Variants in PSD observed in about 807,000 individuals in gnomAD.
The protein encoded by PSD is pleckstrin and Sec7 domain containing.
PSD carries 32 observed loss-of-function variants against 91.6 expected under a neutral mutation model. The observed-to-expected ratio is 0.35, with a 90% CI of 0.26 to 0.47. The LOEUF (loss-of-function observed/expected upper bound fraction) is 0.47, where lower values mean the gene tolerates loss of function less well. Ranked by LOEUF, PSD falls within the 20% of genes least tolerant of loss-of-function variation. The pLI is 1.00. For synonymous variants in PSD, 532 were observed against 569.3 expected (o/e 0.93, Z 0.93); for missense variants, 1,099 against 1,373.9 (o/e 0.80, Z 3.16).
chr10:102,414,165 ACAGG>A lies in PSD; in HGVS notation c.1153_1156del (p.Pro385CysfsTer137). On this transcript the variant is annotated frameshift_variant, in exon 5 of 17. Transcript: ENST00000020673. LOFTEE classifies it high-confidence loss of function. This position sits in a 1 kb window ranked among gnomAD's most constrained non-coding sequence, Gnocchi z 5.6. ...GGGGCTCGTCCCAGGTAGAAAGGGC[ACAGG>A]TGACTTGAGAGGCATCCGGCTCCCT... 6.2e-7 allele frequency: 1 copy of A among 1,613,288 alleles called. No individual in the cohort carries two copies. Among genetic ancestry groups the A allele is most frequent in the Non-Finnish European group, 8.5e-7 (1 of 1,179,506 alleles).
rs2061398558 is a variant in PSD at position 102,409,151 on chromosome 10, G to A, written c.2091+1707C>T. On this transcript the variant is annotated intron_variant, in intron 10 of 16. Transcript: ENST00000020673. This position sits in a 1 kb window ranked among gnomAD's most constrained non-coding sequence, Gnocchi z 5.7. ...ATGCCCCCGTCCGCCCTCGGCCCCC[G>A]GGCCGCCCGGACGGCCCGCGGACCG... 1.0e-6 allele frequency: 1 copy of A among 980,188 alleles called. No individual in the cohort carries two copies. The highest frequency in any genetic ancestry group is 1.2e-6 in the Non-Finnish European group (1 of 828,028). The allele number at this position is 980,188 out of a possible 1,614,324, so 60.7% of individuals were successfully genotyped here.
chr10:102,407,500 A>G (rs1375330975), intron 10 of PSD, among the ~76,000 whole-genome samples: 1 of 152,222 alleles, frequency 6.6e-6, no homozygotes, highest in Non-Finnish European at 1.5e-5. Flanking sequence ...ACATGTGGGC[A>G]CAGGCAGTTA....
chr10:102,410,726 G>C lies in PSD; in HGVS notation c.2091+132C>G. 9 of 744,868 alleles carry C rather than the reference G, an allele frequency of 1.2e-5. No homozygotes were observed. In the South Asian group the frequency reaches 1.4e-4, roughly 12 times the overall value. 46.1% of individuals were successfully genotyped at this position (744,868 alleles called of 1,614,324 possible). On this transcript the variant is annotated intron_variant, in intron 10 of 16. Coordinates refer to ENST00000020673, the MANE Select transcript of PSD (RefSeq NM_002779.5). This position sits in a 1 kb window ranked among gnomAD's most constrained non-coding sequence, Gnocchi z 6.0. ...GCGGTCCCCAGGCTGAGTCACGAGA[G>C]CCCGGGCTTCCGTGGCAGGAGCCGG...
Position 102,414,315 on chromosome 10 carries a change from C to T in PSD, c.1125-118G>A. On this transcript the variant is annotated intron_variant, in intron 4 of 16. Coordinates refer to ENST00000020673, the MANE Select transcript of PSD (RefSeq NM_002779.5). The surrounding 1 kb of genome is among the most constrained non-coding windows in gnomAD (Gnocchi z 5.6). ...ATTATCATCCCCTTTTCACTGGCTC[C>T]AGCCCACTAACAAAAAAGAGCCTCT... is the stretch of plus-strand genomic sequence containing the variant. 3 of 1,038,824 alleles carry T rather than the reference C, an allele frequency of 2.9e-6. No homozygotes were observed. The highest frequency in any genetic ancestry group is 4.2e-6 in the Non-Finnish European group (3 of 720,404). The allele number at this position is 1,038,824 out of a possible 1,614,324, so 64.4% of individuals were successfully genotyped here. A position where few individuals can be genotyped will look rare whatever the true frequency, so the allele number is the denominator to read the frequency against.
At chr10:102,408,605 T>C (rs1186131119) in intron 10 of PSD, among the ~76,000 whole-genome samples, 1 of 152,154 alleles carries the variant, frequency 6.6e-6, no homozygotes, top group Non-Finnish European at 1.5e-5. Context: ...CCCTGCCCTG[T>C]CTCAGGACCC....
At position 102,410,908 on chromosome 10, in the gene PSD, TCC is replaced by T; in HGVS notation, c.2039_2040del (p.Gly680GlufsTer7). 1 of 1,613,974 alleles carries T rather than the reference TCC, an allele frequency of 6.2e-7. No homozygotes were observed. ...CCGCCATCATTGAGGCCCTCCAGGT[TCC>T]CGATGAAGTCCCCGCAGGTCATGCG... ...GKRMTCGDFI[G>X]NLEGLNDGGD... On this transcript the variant is annotated frameshift_variant, in exon 10 of 17. Transcript: ENST00000020673. LOFTEE classifies it high-confidence loss of function. The surrounding 1 kb of genome is among the most constrained non-coding windows in gnomAD (Gnocchi z 6.0).
At chr10:102,412,009 C>A in intron 7 of PSD, 138 bp downstream of exon 7, 1 of 1,107,234 alleles carries the variant, frequency 9.0e-7, no homozygotes, top group Admixed American at 1.7e-5. Context: ...AGCTCTGGCC[C>A]TTGGCCATGC....
At chr10:102,411,192 T>A in intron 8 of PSD, 76 bp from the exon 9 acceptor site, 4 of 1,431,456 alleles carry the variant, frequency 2.8e-6, no homozygotes, top group Non-Finnish European at 3.8e-6. Flanking sequence ...AACCTCCCAT[T>A]TCATCCCCAC....
In PSD at chr10:102,415,204, G is replaced by C. The variant is rs763589602; in HGVS notation, c.783C>G (p.Pro261=). 1 of 1,611,338 alleles carries C rather than the reference G, an allele frequency of 6.2e-7. No individual in the cohort carries two copies. The highest frequency in any genetic ancestry group is 8.5e-7 in the Non-Finnish European group (1 of 1,178,778). The part of the protein sequence containing the change: ...SSGAKPPEQA[P]PSPPGVGSRQ... ...TTGAGCCCACCCCAGGTGGAGATGG[G>C]GGGGCCTGCTCTGGGGGCTTAGCAC... Residue 261 remains proline (P), a synonymous_variant, in exon 4 of 17, where the codon CCC becomes CCG. Coordinates refer to ENST00000020673, the MANE Select transcript of PSD (RefSeq NM_002779.5).
intron 3 of PSD, among the ~76,000 whole-genome samples, chr10:102,415,675 T>C (rs947000869): frequency 1.3e-5 from 2 of 152,186 alleles, no homozygotes; most frequent in Admixed American, 1.3e-4. Context: ...TTGTCCAGGC[T>C]GGTCTTGGAC....
Position 102,414,724 on chromosome 10 carries a change from T to G in PSD, c.1124+139A>C, listed in dbSNP as rs2061457820. 1.4e-5 allele frequency: 16 copies of G among 1,160,336 alleles called. No homozygotes were observed. Among genetic ancestry groups the G allele is most frequent in the Non-Finnish European group, 1.8e-5 (16 of 868,196 alleles). The allele number at this position is 1,160,336 out of a possible 1,614,324, so 71.9% of individuals were successfully genotyped here. ...CCAAGCCTCAGGCCTCTGTCTAGAA[T>G]CTCCTGCTATACACACTGCCCCGCC... On this transcript the variant is annotated intron_variant, in intron 4 of 16. Coordinates refer to ENST00000020673, the MANE Select transcript of PSD (RefSeq NM_002779.5). This position sits in a 1 kb window ranked among gnomAD's most constrained non-coding sequence, Gnocchi z 5.6.
At chr10:102,411,203 C>T in intron 8 of PSD, 87 bp from the exon 9 acceptor site, 1 of 1,358,710 alleles carries the variant, frequency 7.4e-7, no homozygotes, top group Non-Finnish European at 1.0e-6. Flanking sequence ...TCATCCCCAC[C>T]CCCTTTGGCC....
At position 102,416,321 on chromosome 10, in the gene PSD, C is replaced by G; in HGVS notation, c.654+64G>C. 2 of 1,526,472 alleles carry G rather than the reference C, an allele frequency of 1.3e-6. No homozygotes were observed. The highest frequency in any genetic ancestry group is 2.4e-5 in the East Asian group (1 of 41,836). The allele number at this position is 1,526,472 out of a possible 1,614,324, so 94.6% of individuals were successfully genotyped here. A position where few individuals can be genotyped will look rare whatever the true frequency, so the allele number is the denominator to read the frequency against. ...GAGTGAACAGCAGACAAGCCCATGT[C>G]TGACAGGAGGCTGAGCCTTGCCCCT... On this transcript the variant is annotated intron_variant, in intron 2 of 16. Coordinates refer to ENST00000020673, the MANE Select transcript of PSD (RefSeq NM_002779.5). The surrounding 1 kb of genome is among the most constrained non-coding windows in gnomAD (Gnocchi z 6.0).
rs1565227813 is a variant in PSD at position 102,415,096 on chromosome 10, G to T, written c.891C>A (p.Arg297=). The change falls in exon 4 of 17, where the codon CGC becomes CGA. Residue 297 remains arginine, a synonymous_variant. Coordinates refer to ENST00000020673, the MANE Select transcript of PSD (RefSeq NM_002779.5). ...DLDTVPLRCY[R]ETDIDEVLAE... is the part of the protein sequence containing the mutation. ...CCAGCACCTCATCGATGTCAGTCTCGCGGTAGCACCTCAGGGGCACCGTGT... is the reference window on the plus strand; with the variant it reads ...CCAGCACCTCATCGATGTCAGTCTCTCGGTAGCACCTCAGGGGCACCGTGT... 6.2e-7 allele frequency: 1 copy of T among 1,613,860 alleles called. No individual in the cohort carries two copies. Among genetic ancestry groups the T allele is most frequent in the Non-Finnish European group, 8.5e-7 (1 of 1,180,026 alleles).
At position 102,413,957 on chromosome 10, in the gene PSD, T is replaced by G. The variant is rs751063132; in HGVS notation, c.1365A>C (p.Pro455=). 1.8e-5 allele frequency: 29 copies of G among 1,601,176 alleles called. No individual in the cohort carries two copies. Among genetic ancestry groups the G allele is most frequent in the African/African-American group, 2.7e-5 (2 of 72,930 alleles). ...PPQPPAPRPD[P]PAPAPLAPLE... ...GAGGGGCAAGTGGGGCGGGAGCTGG[T>G]GGGTCGGGCCGGGGTGCAGGGGGTT... The change falls in exon 5 of 17, where the codon CCA becomes CCC. Residue 455 remains proline (P), a synonymous_variant. Transcript: ENST00000020673.
intron 11 of PSD, chr10:102,406,011 A>C (rs1449604664): frequency 6.3e-6 from 1 of 159,164 alleles, no homozygotes; most frequent in South Asian, 1.8e-4. Flanking sequence ...AAAATTTCGG[A>C]TTCTATCTTG....
Position 102,403,100 on chromosome 10 carries a change from C to T in PSD, c.*100G>A. The T allele has an allele frequency of 9.8e-7, 1 of 1,024,572 alleles. No homozygotes were observed. 63.5% of individuals were successfully genotyped at this position (1,024,572 alleles called of 1,614,324 possible). On this transcript the variant is annotated 3_prime_UTR_variant, in exon 17 of 17. Coordinates refer to ENST00000020673, the MANE Select transcript of PSD (RefSeq NM_002779.5). The surrounding 1 kb of genome is among the most constrained non-coding windows in gnomAD (Gnocchi z 6.7). ...GCGTCCGGCGCGGTCGGGCCCTAGG[C>T]CGGGAGGCCCTCGTGGGTGGCCCGA...
rs994707141 is a variant in PSD at position 102,404,262 on chromosome 10, G to A, written c.2701-277C>T. On this transcript the variant is annotated intron_variant, in intron 15 of 16. Transcript: ENST00000020673. The surrounding 1 kb of genome is among the most constrained non-coding windows in gnomAD (Gnocchi z 5.7). ...ACTCAGGAGGCTGGGGCAGGAGAAC[G>A]GCGTGAACCCGGGAGGCAGAGCTTG... Among the ~76,000 whole-genome samples the A allele has an allele frequency of 2.0e-5, 3 of 151,854 alleles. No homozygotes were observed. Among genetic ancestry groups the A allele is most frequent in the African/African-American group, 4.8e-5 (2 of 41,332 alleles).
In PSD at chr10:102,403,513, C is replaced by T. The variant is rs1481721362; in HGVS notation, c.2845-83G>A. On this transcript the variant is annotated intron_variant, in intron 16 of 16. Transcript: ENST00000020673. This position sits in a 1 kb window ranked among gnomAD's most constrained non-coding sequence, Gnocchi z 6.7. ...CATCTGGACCAGGGAGGGCCGCCAG[C>T]AGGGCAGAAGATGGCAGGTGCCCAC... is the stretch of plus-strand genomic sequence containing the variant. 1.5e-6 allele frequency: 2 copies of T among 1,354,678 alleles called. No homozygotes were observed. The highest frequency in any genetic ancestry group is 2.0e-6 in the Non-Finnish European group (2 of 1,001,982). 83.9% of individuals were successfully genotyped at this position (1,354,678 alleles called of 1,614,324 possible).
Sources: gnomAD v4.1 joint callset for allele counts (sites outside exome capture counted in the v4.1 genomes callset) on GRCh38, gnomAD v4.1.1 for gene constraint, Gnocchi (gnomAD v3.1) non-coding constraint, MANE v1.5 for transcripts, NCBI Gene and HGNC (gene_info 2026-07-23, HGNC 2026-07-21) for gene names.